Variants in SDK1 observed in about 807,000 individuals in gnomAD.
The protein encoded by SDK1 is sidekick cell adhesion molecule 1, also known as protein sidekick-1.
A neutral mutation model predicts 245.5 loss-of-function variants in SDK1; 157 were observed. That is an observed-to-expected ratio of 0.64 (90% CI 0.56 to 0.73). SDK1 has a LOEUF of 0.73. Among genes scored for constraint, SDK1 ranks in the 30% least tolerant of loss-of-function variants. The probability of loss-of-function intolerance (pLI) is 0.00; values close to 1 mark genes in which losing one functional copy is unlikely to be tolerated. For missense variants in SDK1, 3,583 were observed against 3,002.3 expected (o/e 1.19, Z -4.52); for synonymous variants, 1,647 against 1,278.5 (o/e 1.29, Z -6.15).
intron 42 of SDK1, among the ~76,000 whole-genome samples, chr7:4,238,225 G>A (rs377327340): frequency 1.6e-4 from 25 of 151,664 alleles, no homozygotes; most frequent in African/African-American, 5.8e-4. Context: ...GATTACAGGC[G>A]CCTGCCACTA....
intron 1 of SDK1, among the ~76,000 whole-genome samples, chr7:3,505,562 T>C (rs558938691): frequency 6.6e-6 from 1 of 152,336 alleles, no homozygotes; most frequent in South Asian, 2.1e-4. Context: ...ATTGTTTATC[T>C]TAATATATCT....
intron 1 of SDK1, among the ~76,000 whole-genome samples, chr7:3,430,710 C>A (rs1053038884): frequency 4.6e-5 from 7 of 152,146 alleles, no homozygotes; most frequent in Admixed American, 6.5e-5. Context: ...GTTAGGTATC[C>A]GTGGCTTGTT....
At chr7:3,383,687 A>G (rs1455734023) in intron 1 of SDK1, among the ~76,000 whole-genome samples, 1 of 152,204 alleles carries the variant, frequency 6.6e-6, no homozygotes, top group Non-Finnish European at 1.5e-5. Context: ...GACTGAGAAA[A>G]ATAATTTCCC....
At chr7:3,743,160 T>C (rs1158785661) in intron 4 of SDK1, among the ~76,000 whole-genome samples, 2 of 152,118 alleles carry the variant, frequency 1.3e-5, no homozygotes, top group Non-Finnish European at 2.9e-5. Context: ...GACCAACTGA[T>C]GGGAAAAGTC....
chr7:3,769,735 G>A (rs1364908485), intron 4 of SDK1, among the ~76,000 whole-genome samples: 1 of 151,928 alleles, frequency 6.6e-6, no homozygotes, highest in Admixed American at 6.6e-5. Context: ...TGCCTTCTAT[G>A]GTAGGTTAGG....
At chr7:3,800,366 C>CTTATTTAT (rs574004354) in intron 4 of SDK1, among the ~76,000 whole-genome samples, 8,358 of 147,770 alleles carry the variant, frequency 0.057, 286 homozygotes, top group Middle Eastern at 0.16. Context: ...TACTTACTTA[C>CTTATTTAT]TTACTTATTT....
Position 3,568,813 on chromosome 7 carries a change from G to C in SDK1, c.299-50267G>C, listed in dbSNP as rs189296684. ...GGATCTGATCACCGGATCCCTTCAG[G>C]CACCACACAAATTCCAGCAAGTTTT... On this transcript the variant is annotated intron_variant, in intron 1 of 44. Transcript: ENST00000404826. Among the ~76,000 whole-genome samples, 15 of 152,228 alleles carry C rather than the reference G, an allele frequency of 9.9e-5. No individual in the cohort carries two copies. In the South Asian group the frequency reaches 1.2e-3, roughly 13 times the overall value.
At position 3,575,398 on chromosome 7, in the gene SDK1, G is replaced by A. The variant is rs113505711; in HGVS notation, c.299-43682G>A. Reference sequence around the variant, plus strand: ...CCTCCCAAAGGTCCTATCTCCAAAGGCCATCACATCAGGGGTTAGGGCATC... The same window carrying A: ...CCTCCCAAAGGTCCTATCTCCAAAGACCATCACATCAGGGGTTAGGGCATC... On this transcript the variant is annotated intron_variant, in intron 1 of 44. Coordinates refer to ENST00000404826, the MANE Select transcript of SDK1 (RefSeq NM_152744.4). Among the ~76,000 whole-genome samples the A allele has an allele frequency of 9.0e-3, 1,369 of 152,032 alleles. 29 individuals carry two copies. Among genetic ancestry groups the A allele is most frequent in the African/African-American group, 0.031 (1,290 of 41,506 alleles).
intron 40 of SDK1, among the ~76,000 whole-genome samples, chr7:4,232,397 C>CTTTTTTTTTTTTTTTTTTTTT (rs1785838734): frequency 2.7e-5 from 2 of 73,914 alleles, no homozygotes; most frequent in African/African-American, 5.3e-5. Flanking sequence ...TTTTTCTTTT[C>CTTTTTTTTTTTTTTTTTTTTT]TTTTCTTTTC....
At chr7:3,951,698 A>T in intron 6 of SDK1, 32 bp from the exon 7 acceptor site, 1 of 1,601,924 alleles carries the variant, frequency 6.2e-7, no homozygotes, top group Non-Finnish European at 8.5e-7. Flanking sequence ...CTGAGTCACA[A>T]TCGTCGTCAT....
intron 4 of SDK1, among the ~76,000 whole-genome samples, chr7:3,807,855 A>C (rs1176160660): frequency 6.6e-6 from 1 of 152,204 alleles, no homozygotes; most frequent in Non-Finnish European, 1.5e-5. Context: ...CATGGAGATA[A>C]TAACAGCAGC....
Position 3,723,908 on chromosome 7 carries a change from ACATATATATATACACG to A in SDK1, c.713+81804_713+81819del, listed in dbSNP as rs1314678589. ...TATATATACACGTGTATATACACGTACATATATATATACACGTATATATATATATATATATAGAGAG... is the reference window on the plus strand; with the variant it reads ...TATATATACACGTGTATATACACGTATATATATATATATATATATAGAGAG... On this transcript the variant is annotated intron_variant, in intron 4 of 44. Transcript: ENST00000404826. Among the ~76,000 whole-genome samples, 87 of 130,772 alleles carry A rather than the reference ACATATATATATACACG, an allele frequency of 6.7e-4. 2 individuals carry two copies. Among genetic ancestry groups the A allele is most frequent in the African/African-American group, 2.8e-3 (85 of 30,360 alleles). The allele number at this position is 130,772 out of a possible 152,430, so 85.8% of individuals were successfully genotyped here.
chr7:3,328,275 A>G (rs1025337663), intron 1 of SDK1, among the ~76,000 whole-genome samples: 4 of 152,154 alleles, frequency 2.6e-5, no homozygotes, highest in African/African-American at 9.6e-5. Context: ...ATTTTGAATT[A>G]TTTGAAATGA....
chr7:3,573,710 G>A (rs572244446), intron 1 of SDK1, among the ~76,000 whole-genome samples: 12 of 151,996 alleles, frequency 7.9e-5, no homozygotes, highest in Non-Finnish European at 1.6e-4. Context: ...AAACTAGAAA[G>A]CTGGAGGCTT....
At chr7:4,158,958 C>T (rs1259771076) in intron 31 of SDK1, among the ~76,000 whole-genome samples, 1 of 152,218 alleles carries the variant, frequency 6.6e-6, no homozygotes. Context: ...CTCCAGGTGG[C>T]GTTTTCAGCC....
chr7:3,918,119 C>G (rs1163665496), intron 5 of SDK1, among the ~76,000 whole-genome samples: 3 of 152,182 alleles, frequency 2.0e-5, no homozygotes, highest in Non-Finnish European at 4.4e-5. Flanking sequence ...GGGCTACCCT[C>G]TCACCTCAAA....
At chr7:3,322,606 C>G (rs998641077) in intron 1 of SDK1, among the ~76,000 whole-genome samples, 17 of 152,176 alleles carry the variant, frequency 1.1e-4, no homozygotes, top group African/African-American at 4.1e-4. Context: ...TAGAAGAATT[C>G]CAGTTGGTCA....
At chr7:4,174,827 G>C (rs892115410) in intron 33 of SDK1, among the ~76,000 whole-genome samples, 2 of 152,148 alleles carry the variant, frequency 1.3e-5, no homozygotes, top group Admixed American at 6.5e-5. Flanking sequence ...GCTCTGACGA[G>C]GGCCCAGCTG....
chr7:3,507,772 A>G (rs775115723), intron 1 of SDK1, among the ~76,000 whole-genome samples: 2 of 152,092 alleles, frequency 1.3e-5, no homozygotes, highest in Non-Finnish European at 2.9e-5. Context: ...TCCAATTAGC[A>G]TTGGAATATG....
Sources: allele counts gnomAD v4.1 joint callset (sites outside exome capture counted in the v4.1 genomes callset), GRCh38; gene constraint gnomAD v4.1.1; transcripts MANE v1.5; gene names NCBI Gene and HGNC (gene_info 2026-07-23, HGNC 2026-07-21).